The following CFAP107 variants were observed in gnomAD, a reference collection of about 807,000 sequenced individuals.
CFAP107 encodes cilia and flagella associated protein 107, also known as cilia- and flagella-associated protein 107.
At chr1:12,748,051 T>C in the CFAP107 span, among the ~76,000 whole-genome samples, 1 of 152,192 alleles carries the variant, frequency 6.6e-6, no homozygotes, top group Non-Finnish European at 1.5e-5. Flanking sequence ...GGAAATTCCA[T>C]GATGTTTTTA....
At chr1:12,760,903 T>G in the CFAP107 span, 1 of 1,613,872 alleles carries the variant, frequency 6.2e-7, no homozygotes, top group Admixed American at 1.7e-5. Flanking sequence ...GGAGGGAGCA[T>G]GCGGTCCCGG....
At chr1:12,746,412 C>T in the CFAP107 span, 1 of 1,600,130 alleles carries the variant, frequency 6.2e-7, no homozygotes, top group South Asian at 1.1e-5. Flanking sequence ...GTCAAAGAAA[C>T]CTGGGGCAAA....
the CFAP107 span, among the ~76,000 whole-genome samples, chr1:12,749,095 C>A: frequency 1.3e-5 from 2 of 151,902 alleles, no homozygotes. Flanking sequence ...GAGAAAGGGG[C>A]TAAAAGAGTA....
At chr1:12,759,655 C>G in the CFAP107 span, 1 of 758,706 alleles carries the variant, frequency 1.3e-6, no homozygotes, top group Non-Finnish European at 2.3e-6. Flanking sequence ...AGGGCTGCCT[C>G]CTGTCCTTTC....
At chr1:12,761,720 A>G in the CFAP107 span, 5,074 of 152,216 alleles carry the variant, frequency 0.033, 123 homozygotes, top group Non-Finnish European at 0.05. Context: ...TATTTTTAGT[A>G]GAGACAGGGT....
At chr1:12,748,121 T>C in the CFAP107 span, among the ~76,000 whole-genome samples, 4 of 152,206 alleles carry the variant, frequency 2.6e-5, no homozygotes, top group African/African-American at 9.6e-5. Flanking sequence ...TTAGGGTAAG[T>C]GGCAGCTCGG....
the CFAP107 span, chr1:12,753,965 T>C: frequency 6.6e-6 from 1 of 152,064 alleles, no homozygotes; most frequent in Admixed American, 6.6e-5. Flanking sequence ...ACATTGGCTT[T>C]AGCAAGAATT....
At chr1:12,756,100 A>G in the CFAP107 span, among the ~76,000 whole-genome samples, 5 of 152,362 alleles carry the variant, frequency 3.3e-5, no homozygotes, top group South Asian at 2.1e-4. Context: ...AATAGCAACC[A>G]AAGGTAAATG....
chr1:12,761,002 A>T, the CFAP107 span: 5 of 1,503,682 alleles, frequency 3.3e-6, no homozygotes, highest in Non-Finnish European at 4.5e-6. Context: ...AGACCACAGC[A>T]TCACTGGACT....
chr1:12,753,764 C>G, the CFAP107 span: 8 of 152,084 alleles, frequency 5.3e-5, no homozygotes, highest in Non-Finnish European at 7.3e-5. Context: ...CTACAAAACT[C>G]TTAGAAGAAA....
chr1:12,760,883 G>T, the CFAP107 span: 1 of 1,614,102 alleles, frequency 6.2e-7, no homozygotes, highest in Non-Finnish European at 8.5e-7. Context: ...ACCGTTGTGC[G>T]CTATGTCCTG....
the CFAP107 span, chr1:12,759,232 G>T: frequency 6.6e-7 from 1 of 1,518,482 alleles, no homozygotes; most frequent in Non-Finnish European, 9.0e-7. Context: ...CCCTACATGT[G>T]GCAGCTCCTG....
the CFAP107 span, among the ~76,000 whole-genome samples, chr1:12,750,298 T>C: frequency 6.6e-5 from 10 of 152,026 alleles, no homozygotes; most frequent in Non-Finnish European, 1.3e-4. Context: ...CAAAAGAAGA[T>C]AGTAAGAGAA....
chr1:12,748,675 C>T, the CFAP107 span, among the ~76,000 whole-genome samples: 9 of 150,650 alleles, frequency 6.0e-5, no homozygotes, highest in East Asian at 1.9e-4. Flanking sequence ...AATCACCAGA[C>T]GTATGAAGAT....
the CFAP107 span, among the ~76,000 whole-genome samples, chr1:12,747,985 A>G: frequency 1.3e-5 from 2 of 152,240 alleles, no homozygotes; most frequent in Non-Finnish European, 2.9e-5. Context: ...ACAGTCAAAG[A>G]TATATAGCGA....
chr1:12,749,493 C>T, the CFAP107 span, among the ~76,000 whole-genome samples: 7 of 152,108 alleles, frequency 4.6e-5, no homozygotes, highest in Non-Finnish European at 8.8e-5. Context: ...TGCCAATAGT[C>T]CTAGCTACTC....
the CFAP107 span, chr1:12,753,301 C>T: frequency 6.6e-6 from 1 of 150,808 alleles, no homozygotes; most frequent in African/African-American, 2.4e-5. Context: ...ACAAAGCTAT[C>T]TACAGATTCA....
At chr1:12,760,917 C>A in the CFAP107 span, 1 of 1,613,660 alleles carries the variant, frequency 6.2e-7, no homozygotes, top group Non-Finnish European at 8.5e-7. Flanking sequence ...GTCCCGGTCC[C>A]TCCCCATCGC....
At chr1:12,756,870 T>C in the CFAP107 span, among the ~76,000 whole-genome samples, 1 of 152,044 alleles carries the variant, frequency 6.6e-6, no homozygotes, top group African/African-American at 2.4e-5. Context: ...AGGCAAAGAG[T>C]GTCCTCAGAT....
Sources: gnomAD v4.1 joint callset for allele counts (sites outside exome capture counted in the v4.1 genomes callset) on GRCh38, gnomAD v4.1.1 for gene constraint, MANE v1.5 for transcripts, NCBI Gene and HGNC (gene_info 2026-07-23, HGNC 2026-07-21) for gene names.